RGPD2: variants seen among roughly 807,000 people sequenced by gnomAD.
RGPD2 encodes the protein RANBP2 like and GRIP domain containing 2.
A neutral mutation model predicts 36.0 loss-of-function variants in RGPD2; 2 were observed. The observed-to-expected ratio is 0.06, with a 90% CI of 0.02 to 0.17. RGPD2 has a LOEUF of 0.17. RGPD2 is among the 10% of genes least tolerant of loss of function. The pLI is 1.00. For synonymous variants in RGPD2, 19 were observed against 163.8 expected, an observed-to-expected ratio of 0.12 and a Z score of 6.75; for missense variants, 40 against 464.3, an observed-to-expected ratio of 0.09 and a Z score of 8.40.
At chr2:87,844,478 G>C in the RGPD2 span, among the ~76,000 whole-genome samples, 5 of 149,498 alleles carry the variant, frequency 3.3e-5, no homozygotes, top group African/African-American at 1.2e-4. Context: ...ATTCACTCTT[G>C]TTCTGATTTG....
chr2:87,897,590 G>A, the RGPD2 span, among the ~76,000 whole-genome samples: 2 of 151,210 alleles, frequency 1.3e-5, no homozygotes, highest in African/African-American at 4.9e-5. Context: ...ATTAAGCCCA[G>A]TATACATTAG....
chr2:87,835,529 CAGTG>C, the RGPD2 span, among the ~76,000 whole-genome samples: 1 of 23,738 alleles, frequency 4.2e-5, no homozygotes, highest in Non-Finnish European at 8.7e-5. Flanking sequence ...ACCACTGGCT[CAGTG>C]AACTAACATC....
At chr2:87,960,464 G>A in the RGPD2 span, among the ~76,000 whole-genome samples, 10,190 of 66,694 alleles carry the variant, frequency 0.15, 8 homozygotes, top group East Asian at 0.19. Context: ...ACATGGCCTG[G>A]ATAGGCTATA....
At chr2:87,922,106 A>T in the RGPD2 span, among the ~76,000 whole-genome samples, 1 of 151,786 alleles carries the variant, frequency 6.6e-6, no homozygotes, top group Non-Finnish European at 1.5e-5. Flanking sequence ...AGCCTGGTCA[A>T]CATGATGAAG....
chr2:87,964,032 C>T, the RGPD2 span, among the ~76,000 whole-genome samples: 1 of 151,602 alleles, frequency 6.6e-6, no homozygotes, highest in African/African-American at 2.4e-5. Flanking sequence ...GACGGGGTTT[C>T]ACCATGTTGG....
At chr2:87,842,743 G>A in the RGPD2 span, among the ~76,000 whole-genome samples, 5 of 151,996 alleles carry the variant, frequency 3.3e-5, 1 homozygote, top group East Asian at 5.8e-4. Context: ...AAAAGAGCCC[G>A]CATCGCCAAG....
chr2:87,879,067 C>T, the RGPD2 span, among the ~76,000 whole-genome samples: 1 of 152,116 alleles, frequency 6.6e-6, no homozygotes, highest in African/African-American at 2.4e-5. Flanking sequence ...CTTTGCCATA[C>T]CGATTTTATT....
At chr2:87,864,408 T>C in the RGPD2 span, among the ~76,000 whole-genome samples, 1 of 152,268 alleles carries the variant, frequency 6.6e-6, no homozygotes, top group Non-Finnish European at 1.5e-5. Context: ...GACTTTGTCA[T>C]TTAACATCAA....
chr2:87,836,380 A>G, the RGPD2 span, among the ~76,000 whole-genome samples: 17 of 152,012 alleles, frequency 1.1e-4, no homozygotes, highest in African/African-American at 3.9e-4. Context: ...ACAGAAACAA[A>G]ATATCAGGCC....
At chr2:87,843,895 A>C in the RGPD2 span, among the ~76,000 whole-genome samples, 1 of 151,982 alleles carries the variant, frequency 6.6e-6, no homozygotes, top group Admixed American at 6.6e-5. Context: ...AAAAATGATG[A>C]GTTCATGTCC....
At chr2:87,809,079 G>A (rs1383722091) in intron 6 of RGPD2, among the ~76,000 whole-genome samples, 1 of 113,512 alleles carries the variant, frequency 8.8e-6, no homozygotes, top group Non-Finnish European at 1.9e-5. Context: ...GCTGAGGCAG[G>A]CGGATCACAA....
At chr2:87,962,140 C>A in the RGPD2 span, among the ~76,000 whole-genome samples, 1 of 147,388 alleles carries the variant, frequency 6.8e-6, no homozygotes, top group Non-Finnish European at 1.5e-5. Flanking sequence ...GATTTTCAGC[C>A]GTCTGTATTT....
At chr2:87,915,042 G>C in the RGPD2 span, among the ~76,000 whole-genome samples, 2 of 151,890 alleles carry the variant, frequency 1.3e-5, no homozygotes, top group African/African-American at 4.8e-5. Flanking sequence ...AGGTACTCAG[G>C]AGGCTGTGGC....
chr2:87,973,301 A>C, the RGPD2 span, among the ~76,000 whole-genome samples: 2 of 135,446 alleles, frequency 1.5e-5, no homozygotes, highest in African/African-American at 2.7e-5. Flanking sequence ...TTAACTGGCG[A>C]CTCCGGTATT....
chr2:87,984,350 G>C, the RGPD2 span, among the ~76,000 whole-genome samples: 818 of 152,156 alleles, frequency 5.4e-3, 5 homozygotes, highest in African/African-American at 0.018. Context: ...TGTGGTTAAA[G>C]AGTCGTGAAA....
At chr2:87,843,704 A>G in the RGPD2 span, among the ~76,000 whole-genome samples, 1 of 152,322 alleles carries the variant, frequency 6.6e-6, no homozygotes, top group East Asian at 1.9e-4. Flanking sequence ...CAGCCATCCC[A>G]TTACTGGGTA....
chr2:87,989,775 T>C, the RGPD2 span: 10 of 1,185,908 alleles, frequency 8.4e-6, no homozygotes, highest in Middle Eastern at 1.9e-4. Context: ...ATCCTCATTA[T>C]AGAGAGAATC....
At chr2:87,958,579 CAT>C in the RGPD2 span, among the ~76,000 whole-genome samples, 54 of 152,370 alleles carry the variant, frequency 3.5e-4, no homozygotes, top group South Asian at 8.1e-3. Flanking sequence ...TTAAAATACA[CAT>C]GTTCTAAATT....
the RGPD2 span, among the ~76,000 whole-genome samples, chr2:87,973,890 C>T: frequency 1.4e-5 from 2 of 147,776 alleles, no homozygotes; most frequent in Admixed American, 6.8e-5. Flanking sequence ...TAAAACAGTA[C>T]GTGTCACATA....
Sources: allele counts gnomAD v4.1 joint callset (sites outside exome capture counted in the v4.1 genomes callset), GRCh38; gene constraint gnomAD v4.1.1; transcripts MANE v1.5; gene names NCBI Gene and HGNC (gene_info 2026-07-23, HGNC 2026-07-21).